The following NSUN3 variants were observed in gnomAD, a reference collection of about 807,000 sequenced individuals.
NSUN3 encodes tRNA (cytosine(34)-C(5))-methyltransferase, mitochondrial.
In NSUN3, 24 loss-of-function variants were observed where a neutral mutation model predicts 36.8. The ratio of observed to expected loss-of-function variants is 0.65; its 90% CI spans 0.47 to 0.92. The LOEUF is 0.92. Ranked by LOEUF, NSUN3 falls within the 40% of genes least tolerant of loss-of-function variation. NSUN3 has a pLI of 0.00. For synonymous variants in NSUN3, 146 were observed against 145.2 expected (o/e 1.01, Z -0.04); for missense variants, 381 against 392.8 (o/e 0.97, Z 0.25).
At chr3:94,074,014 A>G (rs2077236667) in intron 2 of NSUN3, among the ~76,000 whole-genome samples, 1 of 152,222 alleles carries the variant, frequency 6.6e-6, no homozygotes, top group African/African-American at 2.4e-5. Context: ...AGTTTTCTGC[A>G]TATGGCTAGC....
chr3:94,096,478 G>A (rs1417488481), intron 5 of NSUN3, among the ~76,000 whole-genome samples: 1 of 151,426 alleles, frequency 6.6e-6, no homozygotes, highest in African/African-American at 2.4e-5. Context: ...TTTTGATTTG[G>A]CTTCTTTGTT....
Position 94,129,179 on chromosome 3 carries a change from C to G in NSUN3, c.*2689C>G, listed in dbSNP as rs1055314344. 6.6e-6 allele frequency among the ~76,000 whole-genome samples: 1 copy of G among 151,938 alleles called. No individual in the cohort carries two copies. Among genetic ancestry groups the G allele is most frequent in the African/African-American group, 2.4e-5 (1 of 41,358 alleles). On this transcript the variant is annotated 3_prime_UTR_variant, in exon 6 of 6. Transcript: ENST00000314622. ...TATACCCACAGGAAAATAAATTGTCCTACAAAAAAAGACATAAACGCTTGT... is the reference window on the plus strand; with the variant it reads ...TATACCCACAGGAAAATAAATTGTCGTACAAAAAAAGACATAAACGCTTGT...
chr3:94,091,372 C>T (rs1430611848), intron 3 of NSUN3, among the ~76,000 whole-genome samples: 1 of 151,912 alleles, frequency 6.6e-6, no homozygotes, highest in East Asian at 1.9e-4. Flanking sequence ...GAGTTTTTCA[C>T]CAACAATTCT....
intron 5 of NSUN3, among the ~76,000 whole-genome samples, chr3:94,111,697 T>C (rs565561545): frequency 7.3e-4 from 111 of 152,266 alleles, no homozygotes; most frequent in African/African-American, 2.6e-3. Context: ...TCCACCTCCA[T>C]GTCTTATCCC....
intron 5 of NSUN3, among the ~76,000 whole-genome samples, chr3:94,125,889 G>C (rs570596858): frequency 6.6e-6 from 1 of 152,012 alleles, no homozygotes; most frequent in African/African-American, 2.4e-5. Context: ...GTGAAACCCC[G>C]TCTCTACTAA....
intron 3 of NSUN3, among the ~76,000 whole-genome samples, 177 bp from the exon 4 acceptor site, chr3:94,093,963 A>T (rs570801459): frequency 6.6e-6 from 1 of 152,232 alleles, no homozygotes; most frequent in African/African-American, 2.4e-5. Flanking sequence ...CTATATATAC[A>T]TACACATATA....
In NSUN3 at chr3:94,129,199, G is replaced by A. The variant is rs187260335; in HGVS notation, c.*2709G>A. Among the ~76,000 whole-genome samples the A allele has an allele frequency of 2.2e-4, 34 of 152,176 alleles. No homozygotes were observed. The highest frequency in any genetic ancestry group is 5.9e-4 in the Admixed American group (9 of 15,286). Reference sequence around the variant, plus strand: ...TTGTCCTACAAAAAAAGACATAAACGCTTGTGTGTTCATCACAGTAATATT... The same window carrying A: ...TTGTCCTACAAAAAAAGACATAAACACTTGTGTGTTCATCACAGTAATATT... On this transcript the variant is annotated 3_prime_UTR_variant, in exon 6 of 6. Coordinates refer to ENST00000314622, the MANE Select transcript of NSUN3 (RefSeq NM_022072.5).
intron 5 of NSUN3, among the ~76,000 whole-genome samples, chr3:94,103,222 G>A (rs933007389): frequency 4.1e-4 from 63 of 152,132 alleles, no homozygotes; most frequent in African/African-American, 1.5e-3. Flanking sequence ...ACTTAGCTAA[G>A]CATTGCAGAT....
In NSUN3 at chr3:94,121,021, C is replaced by CA. The variant is rs1332526763; in HGVS notation, c.744-5184dup. Among the ~76,000 whole-genome samples the CA allele has an allele frequency of 2.0e-5, 3 of 152,062 alleles. No individual in the cohort carries two copies. The East Asian group carries it at 5.8e-4, about 29-fold the overall frequency. On this transcript the variant is annotated intron_variant, in intron 5 of 5. Coordinates refer to ENST00000314622, the MANE Select transcript of NSUN3 (RefSeq NM_022072.5). ...GCTGTAAAAACAAAAAAAGAGAAAA[C>CA]AAAAAACGCCATCATTAGATGTGTA...
chr3:94,081,728 C>T (rs1477197105), intron 2 of NSUN3: 1 of 152,086 alleles, frequency 6.6e-6, no homozygotes, highest in East Asian at 1.9e-4. Flanking sequence ...AGGATTTAAC[C>T]TTTCTAAGAG....
intron 2 of NSUN3, chr3:94,076,668 C>T: frequency 7.1e-6 from 8 of 1,131,900 alleles, no homozygotes; most frequent in Non-Finnish European, 1.1e-5. Context: ...AGACGCAAGT[C>T]TGAGTTGCAG....
chr3:94,064,101 C>T (rs910356772), intron 1 of NSUN3: 3 of 200,948 alleles, frequency 1.5e-5, no homozygotes, highest in South Asian at 1.6e-4. Context: ...CCCGCCTCTG[C>T]CTCCCACAGT....
At chr3:94,110,077 A>G (rs2077409614) in intron 5 of NSUN3, among the ~76,000 whole-genome samples, 2 of 152,090 alleles carry the variant, frequency 1.3e-5, no homozygotes, top group African/African-American at 2.4e-5. Flanking sequence ...GCTCCTTTTT[A>G]TTGGGTCAGG....
intron 2 of NSUN3, among the ~76,000 whole-genome samples, chr3:94,068,234 G>C (rs144009207): frequency 1.9e-3 from 291 of 152,232 alleles, no homozygotes; most frequent in African/African-American, 6.7e-3. Flanking sequence ...GTTGTTTGAC[G>C]TATAGTAAGG....
chr3:94,126,081 A>C lies in NSUN3; in HGVS notation c.744-130A>C, dbSNP rs1198372622. The C allele has an allele frequency of 5.4e-6, 4 of 741,214 alleles. No homozygotes were observed. In the East Asian group the frequency reaches 1.1e-4, roughly 21 times the overall value. 45.9% of individuals were successfully genotyped at this position (741,214 alleles called of 1,614,324 possible). ...TCTCAAAAAAAAAAAAAAGACTAGA[A>C]AACATCCAAAGTAATTGCAGTCTAA... is the stretch of plus-strand genomic sequence containing the variant. On this transcript the variant is annotated intron_variant, in intron 5 of 5. Transcript: ENST00000314622.
chr3:94,068,813 C>T (rs1231874237), intron 2 of NSUN3, among the ~76,000 whole-genome samples: 1 of 151,104 alleles, frequency 6.6e-6, no homozygotes, highest in Non-Finnish European at 1.5e-5. Context: ...CACACATACA[C>T]ACACACAACC....
chr3:94,098,204 A>G (rs1576092825), intron 5 of NSUN3, among the ~76,000 whole-genome samples: 2 of 152,078 alleles, frequency 1.3e-5, no homozygotes, highest in East Asian at 3.9e-4. Flanking sequence ...CATATATTCA[A>G]TCAATCACTA....
intron 2 of NSUN3, among the ~76,000 whole-genome samples, chr3:94,069,866 G>C (rs890021281): frequency 6.6e-6 from 1 of 152,136 alleles, no homozygotes; most frequent in Non-Finnish European, 1.5e-5. Flanking sequence ...TAGGGAAATG[G>C]GTAAGCAGGC....
intron 5 of NSUN3, among the ~76,000 whole-genome samples, chr3:94,095,842 G>A (rs1321409397): frequency 2.0e-5 from 3 of 151,806 alleles, no homozygotes; most frequent in Non-Finnish European, 2.9e-5. Flanking sequence ...CACCTCCCAA[G>A]TTCAAGCTAT....
Sources: gnomAD v4.1 joint callset for allele counts (sites outside exome capture counted in the v4.1 genomes callset) on GRCh38, gnomAD v4.1.1 for gene constraint, MANE v1.5 for transcripts, NCBI Gene and HGNC (gene_info 2026-07-23, HGNC 2026-07-21) for gene names.